The following ADARB2 variants were observed in gnomAD, a reference collection of about 807,000 sequenced individuals.
ADARB2 encodes inactive double-stranded RNA-specific editase B2.
In ADARB2, 25 loss-of-function variants were observed where a neutral mutation model predicts 62.2. That is an observed-to-expected ratio of 0.40 (90% CI 0.29 to 0.56). The LOEUF (loss-of-function observed/expected upper bound fraction) is 0.56. ADARB2 is among the 20% of genes least tolerant of loss of function. The pLI, the probability that ADARB2 is intolerant of heterozygous loss-of-function variation, is 0.43. For missense variants in ADARB2, 1,071 were observed against 1,077.4 expected, an observed-to-expected ratio of 0.99 and a Z score of 0.08; for synonymous variants, 572 against 500.8, an observed-to-expected ratio of 1.14 and a Z score of -1.90.
At chr10:1,672,175 G>A (rs1418621887) in intron 1 of ADARB2, among the ~76,000 whole-genome samples, 2 of 151,972 alleles carry the variant, frequency 1.3e-5, no homozygotes, top group East Asian at 1.9e-4. Context: ...GCCTGCCATC[G>A]TTTTCCTCTC....
rs752210106 is a variant in ADARB2 at position 1,363,130 on chromosome 10, C to A, written c.975G>T (p.Lys325Asn). ...CCTGCGCGGCCTGACCCCGGGCCAG[C>A]TTCTTGCTGCGCCCCGAGCCCTCGA... Reference protein sequence around the residue: ...RTFEGSGRSKKLARGQAAQAA... With the variant: ...RTFEGSGRSKNLARGQAAQAA... Residue 325 changes from lysine (K) to asparagine (N), a missense_variant, in exon 3 of 10, where the codon AAG (lysine) becomes AAT (asparagine). Physicochemically the swap from Lys to Asn is moderately conservative, Grantham distance 94 (BLOSUM62 0). Coordinates refer to ENST00000381312, the MANE Select transcript of ADARB2 (RefSeq NM_018702.4). The A allele has an allele frequency of 2.6e-6, 4 of 1,546,968 alleles. No homozygotes were observed. Among genetic ancestry groups the A allele is most frequent in the South Asian group, 2.3e-5 (2 of 85,320 alleles).
In ADARB2 at chr10:1,477,706, T is replaced by C. The variant is rs138631890; in HGVS notation, c.101-98546A>G. ...TCTTTCCAGACGATAGGCGGGGTGC[T>C]TAATTTTCAGAGAATGCCTTCGTGA... On this transcript the variant is annotated intron_variant, in intron 1 of 9. Transcript: ENST00000381312. This position sits in a 1 kb window ranked among gnomAD's most constrained non-coding sequence, Gnocchi z 4.5. Among the ~76,000 whole-genome samples the C allele has an allele frequency of 4.9e-3, 739 of 152,320 alleles. 5 individuals are homozygous for C. The highest frequency in any genetic ancestry group is 0.016 in the African/African-American group (684 of 41,578).
At chr10:1,731,044 T>A (rs1835224572) in intron 1 of ADARB2, among the ~76,000 whole-genome samples, 1 of 152,228 alleles carries the variant, frequency 6.6e-6, no homozygotes, top group Admixed American at 6.5e-5. Flanking sequence ...GATTAACTCT[T>A]TATTTCCAAA....
At position 1,204,588 on chromosome 10, in the gene ADARB2, G is replaced by A. The variant is rs890594162; in HGVS notation, c.1683-4441C>T. ...AGCTGCCCCACCTGCACCTTCTGTC[G>A]CGTGGACGCTCCGCCCCTCACTGGC... On this transcript the variant is annotated intron_variant, in intron 7 of 9. Transcript: ENST00000381312. Among the ~76,000 whole-genome samples, 13 of 152,344 alleles carry A rather than the reference G, an allele frequency of 8.5e-5. No homozygotes were observed. In the East Asian group the frequency reaches 2.3e-3, roughly 27 times the overall value.
intron 3 of ADARB2, among the ~76,000 whole-genome samples, chr10:1,303,025 G>A (rs1171111577): frequency 4.6e-5 from 7 of 151,926 alleles, no homozygotes; most frequent in East Asian, 3.9e-4. Flanking sequence ...AAAGCTGGAC[G>A]GAGAATGACT....
chr10:1,570,144 G>T (rs576566348), intron 1 of ADARB2, among the ~76,000 whole-genome samples: 6 of 152,130 alleles, frequency 3.9e-5, no homozygotes, highest in Non-Finnish European at 8.8e-5. Context: ...TTTAGAAGAT[G>T]TTAAATGCAT....
In ADARB2 at chr10:1,330,896, T is replaced by A. The variant is rs576695589; in HGVS notation, c.1077+32132A>T. On this transcript the variant is annotated intron_variant, in intron 3 of 9. Transcript: ENST00000381312. ...CATTCTCCTATGTCTGATAATGGTA[T>A]GATATACCCGAATACATAATAACAT... Among the ~76,000 whole-genome samples the A allele has an allele frequency of 2.9e-4, 44 of 152,326 alleles. No individual in the cohort carries two copies. In the East Asian group the frequency reaches 7.9e-3, roughly 27 times the overall value.
intron 6 of ADARB2, among the ~76,000 whole-genome samples, chr10:1,226,387 C>T (rs952351085): frequency 6.6e-6 from 1 of 152,218 alleles, no homozygotes. Context: ...GTTTGATCGT[C>T]TGAAGCCTTC....
intron 1 of ADARB2, among the ~76,000 whole-genome samples, chr10:1,630,916 T>C (rs1416848041): frequency 6.6e-6 from 1 of 151,466 alleles, no homozygotes; most frequent in Non-Finnish European, 1.5e-5. Context: ...GATCATGCCA[T>C]TGCACTCCAG....
chr10:1,503,377 G>A (rs1388522386), intron 1 of ADARB2, among the ~76,000 whole-genome samples: 1 of 151,026 alleles, frequency 6.6e-6, no homozygotes, highest in Non-Finnish European at 1.5e-5. Flanking sequence ...TTAGAGATGG[G>A]GTTTTGCCAT....
At chr10:1,736,701 G>T (rs2119054516) in intron 1 of ADARB2, among the ~76,000 whole-genome samples, 1 of 152,326 alleles carries the variant, frequency 6.6e-6, no homozygotes, top group East Asian at 1.9e-4. Flanking sequence ...TGGGAGACGA[G>T]ATGGCCTCCG....
intron 1 of ADARB2, among the ~76,000 whole-genome samples, chr10:1,591,033 C>A (rs1485668269): frequency 6.6e-6 from 1 of 152,246 alleles, no homozygotes; most frequent in Non-Finnish European, 1.5e-5. Flanking sequence ...GGTGCAATTT[C>A]TATGTGTCGA....
At chr10:1,651,423 G>A (rs939311565) in intron 1 of ADARB2, among the ~76,000 whole-genome samples, 3 of 152,216 alleles carry the variant, frequency 2.0e-5, no homozygotes, top group African/African-American at 7.2e-5. Flanking sequence ...AAGCCACACC[G>A]CAGTGGGTGA....
chr10:1,664,315 A>C (rs1476769526), intron 1 of ADARB2, among the ~76,000 whole-genome samples: 1 of 152,096 alleles, frequency 6.6e-6, no homozygotes, highest in Non-Finnish European at 1.5e-5. Flanking sequence ...CCTGTGGGTC[A>C]GTATCAAGGT....
chr10:1,304,608 T>C (rs1034538227), intron 3 of ADARB2, among the ~76,000 whole-genome samples: 2 of 151,122 alleles, frequency 1.3e-5, no homozygotes, highest in East Asian at 1.9e-4. Flanking sequence ...TATTCCAAAA[T>C]TGACCACATA....
At chr10:1,284,282 G>C (rs1284345538) in intron 3 of ADARB2, among the ~76,000 whole-genome samples, 2 of 152,132 alleles carry the variant, frequency 1.3e-5, no homozygotes, top group Non-Finnish European at 2.9e-5. Context: ...CTGTGTGAGG[G>C]GCCACATGTC....
intron 1 of ADARB2, among the ~76,000 whole-genome samples, chr10:1,499,605 C>T: frequency 6.6e-6 from 1 of 151,790 alleles, no homozygotes; most frequent in East Asian, 1.9e-4. Flanking sequence ...TTTTACTCAA[C>T]ACTCACTCAT....
chr10:1,588,823 T>C (rs538521222), intron 1 of ADARB2, among the ~76,000 whole-genome samples: 1 of 152,156 alleles, frequency 6.6e-6, no homozygotes, highest in Non-Finnish European at 1.5e-5. Context: ...GCTTCGCAGA[T>C]GACAAGATCG....
intron 1 of ADARB2, among the ~76,000 whole-genome samples, chr10:1,495,318 G>C (rs1052561088): frequency 6.6e-6 from 1 of 152,196 alleles, no homozygotes; most frequent in Non-Finnish European, 1.5e-5. Context: ...TACATGCAAG[G>C]TATATCAAGT....
Sources: allele counts gnomAD v4.1 joint callset (sites outside exome capture counted in the v4.1 genomes callset), GRCh38; gene constraint gnomAD v4.1.1; non-coding constraint Gnocchi (gnomAD v3.1); transcripts MANE v1.5; gene names NCBI Gene and HGNC (gene_info 2026-07-23, HGNC 2026-07-21).